The following MSRA variants were observed in gnomAD, a reference collection of about 807,000 sequenced individuals.
The protein encoded by MSRA is methionine sulfoxide reductase A, also known as mitochondrial peptide methionine sulfoxide reductase.
Under a neutral mutation model 31.3 loss-of-function variants are expected in MSRA, and 54 were observed. The ratio of observed to expected loss-of-function variants is 1.73; its 90% CI spans 1.39 to 2.17. The LOEUF (loss-of-function observed/expected upper bound fraction) is 2.17. Ranked by LOEUF, MSRA falls within the 30% of genes most tolerant of loss-of-function variation. MSRA has a pLI of 0.00. For missense variants in MSRA, 507 were observed against 300.9 expected, an observed-to-expected ratio of 1.69 and a Z score of -5.07; for synonymous variants, 169 against 116.5, an observed-to-expected ratio of 1.45 and a Z score of -2.90.
At chr8:10,160,644 C>T (rs1976071) in intron 1 of MSRA, among the ~76,000 whole-genome samples, 1 of 152,000 alleles carries the variant, frequency 6.6e-6, no homozygotes, top group Non-Finnish European at 1.5e-5. Context: ...GCAATTCTGC[C>T]TCAGCCTCCC....
chr8:10,182,873 A>G (rs546399798), intron 1 of MSRA, among the ~76,000 whole-genome samples: 3 of 152,300 alleles, frequency 2.0e-5, no homozygotes, highest in African/African-American at 4.8e-5. Context: ...GCCATGTTCT[A>G]TTAGTGAGAA....
chr8:10,243,544 G>A (rs1405078970), intron 2 of MSRA, among the ~76,000 whole-genome samples: 1 of 151,868 alleles, frequency 6.6e-6, no homozygotes, highest in African/African-American at 2.4e-5. Context: ...GGTAACATAA[G>A]CATAAGCAGA....
At chr8:10,250,771 C>G (rs1797874953) in intron 3 of MSRA, 2 of 338,532 alleles carry the variant, frequency 5.9e-6, no homozygotes, top group African/African-American at 4.2e-5. Context: ...CTGTCCTGAG[C>G]CCGTTTCCTC....
intron 4 of MSRA, among the ~76,000 whole-genome samples, chr8:10,313,035 A>T (rs6601431): frequency 6.6e-6 from 1 of 151,972 alleles, no homozygotes; most frequent in Admixed American, 6.5e-5. Flanking sequence ...GAAAGAATAC[A>T]TGTATGCTGA....
intron 1 of MSRA, among the ~76,000 whole-genome samples, chr8:10,164,930 AG>A (rs1444338405): frequency 1.3e-5 from 2 of 152,198 alleles, no homozygotes; most frequent in Non-Finnish European, 2.9e-5. Context: ...CAGGAGGCTG[AG>A]GCAGGAGAAT....
intron 4 of MSRA, among the ~76,000 whole-genome samples, chr8:10,312,793 A>T (rs1023055678): frequency 6.6e-6 from 1 of 152,266 alleles, no homozygotes; most frequent in African/African-American, 2.4e-5. Flanking sequence ...TATTTTAAAA[A>T]CATGTATGAT....
intron 5 of MSRA, among the ~76,000 whole-genome samples, chr8:10,414,168 G>T (rs993671356): frequency 2.0e-4 from 30 of 151,202 alleles, no homozygotes; most frequent in African/African-American, 6.8e-4. Context: ...CTCTGTCTAT[G>T]AAGAAAAAAA....
At chr8:10,094,467 C>T (rs1398398896) in intron 1 of MSRA, among the ~76,000 whole-genome samples, 1 of 152,198 alleles carries the variant, frequency 6.6e-6, no homozygotes, top group East Asian at 1.9e-4. Context: ...TATCTATGTG[C>T]ATAAACGTAG....
rs547938349 is a variant in MSRA, at chr8:10,297,787, A to T, written c.332-3747A>T. Among the ~76,000 whole-genome samples the T allele has an allele frequency of 9.2e-5, 14 of 152,346 alleles. No individual in the cohort carries two copies. In the East Asian group the frequency reaches 2.7e-3, roughly 29 times the overall value. On this transcript the variant is annotated intron_variant, in intron 3 of 5. Transcript: ENST00000317173. The stretch of plus-strand genomic sequence containing the variant: ...GCTTCTTTAAACCTCTCCACAAATA[A>T]CGTCAGTGGCAGATTATGTCTGAAA...
chr8:10,390,930 C>G lies in MSRA; in HGVS notation c.544-37218C>G, dbSNP rs181969611. Among the ~76,000 whole-genome samples the G allele has an allele frequency of 8.8e-4, 132 of 150,602 alleles. 1 individual carries two copies. In the East Asian group the frequency reaches 0.019, roughly 22 times the overall value. On this transcript the variant is annotated intron_variant, in intron 5 of 5. Coordinates refer to ENST00000317173, the MANE Select transcript of MSRA (RefSeq NM_012331.5). Reference sequence around the variant, plus strand: ...GGTGGAGTTTGCAGTGAGCCGAGATCGCGCCACTGCACTCCAGCCTGGGCG... The same window carrying G: ...GGTGGAGTTTGCAGTGAGCCGAGATGGCGCCACTGCACTCCAGCCTGGGCG...
chr8:10,108,521 T>A (rs1228991700), intron 1 of MSRA, among the ~76,000 whole-genome samples: 1 of 152,236 alleles, frequency 6.6e-6, no homozygotes, highest in Non-Finnish European at 1.5e-5. Flanking sequence ...ATTTATATTT[T>A]GGTACATTTA....
chr8:10,105,008 G>T (rs571983279), intron 1 of MSRA, among the ~76,000 whole-genome samples: 1 of 152,242 alleles, frequency 6.6e-6, no homozygotes, highest in South Asian at 2.1e-4. Context: ...TTGCTGTTAC[G>T]TTTATTGGTA....
chr8:10,189,884 C>G (rs757490916), intron 1 of MSRA, among the ~76,000 whole-genome samples: 47 of 152,112 alleles, frequency 3.1e-4, no homozygotes, highest in Admixed American at 1.3e-4. Context: ...AAGGCGTTTA[C>G]ATAGGATTGA....
intron 1 of MSRA, among the ~76,000 whole-genome samples, chr8:10,177,991 G>A (rs1448882324): frequency 6.6e-5 from 10 of 152,194 alleles, no homozygotes; most frequent in Admixed American, 6.5e-4. Flanking sequence ...TCATCTCACT[G>A]TGGGGTTTAT....
intron 1 of MSRA, among the ~76,000 whole-genome samples, chr8:10,131,022 T>C (rs1485815598): frequency 6.6e-6 from 1 of 152,242 alleles, no homozygotes; most frequent in African/African-American, 2.4e-5. Flanking sequence ...AAGCTCAGCT[T>C]GTTTTTGCAA....
At chr8:10,426,754 G>A (rs1809192576) in intron 5 of MSRA, among the ~76,000 whole-genome samples, 3 of 152,250 alleles carry the variant, frequency 2.0e-5, no homozygotes, top group Non-Finnish European at 4.4e-5. Context: ...TCCCGTGGCT[G>A]TTGTGAGGCT....
chr8:10,420,902 A>AAC (rs933860033), intron 5 of MSRA, among the ~76,000 whole-genome samples: 3 of 151,100 alleles, frequency 2.0e-5, no homozygotes, highest in African/African-American at 7.3e-5. Context: ...TAAAAAAAAA[A>AAC]AGGAGAATCA....
chr8:10,336,574 A>G (rs572916789), intron 5 of MSRA, among the ~76,000 whole-genome samples: 1 of 152,294 alleles, frequency 6.6e-6, no homozygotes, highest in East Asian at 1.9e-4. Context: ...GTGAGGAAAG[A>G]GACAATATTG....
intron 3 of MSRA, among the ~76,000 whole-genome samples, chr8:10,283,832 T>TACACACACACACACACACACACAC (rs1338639680): frequency 6.0e-4 from 39 of 65,304 alleles, no homozygotes; most frequent in Non-Finnish European, 9.6e-4. Context: ...TATATATATA[T>TACACACACACACACACACACACAC]ATATACACAC....
Sources: allele counts gnomAD v4.1 joint callset (sites outside exome capture counted in the v4.1 genomes callset), GRCh38; gene constraint gnomAD v4.1.1; transcripts MANE v1.5; gene names NCBI Gene and HGNC (gene_info 2026-07-23, HGNC 2026-07-21).